Variants in MFSD2B observed in about 807,000 individuals in gnomAD.
MFSD2B encodes MFSD2 lysolipid transporter B, sphingolipid, also known as sphingosine-1-phosphate transporter MFSD2B.
Under a neutral mutation model 58.4 loss-of-function variants are expected in MFSD2B, and 56 were observed. The ratio of observed to expected loss-of-function variants is 0.96; its 90% CI spans 0.77 to 1.20. The LOEUF is 1.20. Among genes scored for constraint, MFSD2B ranks in the 50% most tolerant of loss-of-function variants. The probability of loss-of-function intolerance (pLI) is 0.00; values close to 1 mark genes in which losing one functional copy is unlikely to be tolerated. For synonymous variants in MFSD2B, 287 were observed against 294.4 expected, an observed-to-expected ratio of 0.97 and a Z score of 0.26; for missense variants, 645 against 667.6, an observed-to-expected ratio of 0.97 and a Z score of 0.37.
chr2:24,016,721 C>A (rs1201779455), intron 3 of MFSD2B, 124 bp from the exon 4 acceptor site: 5 of 1,232,824 alleles, frequency 4.1e-6, no homozygotes, highest in Non-Finnish European at 5.6e-6. Flanking sequence ...CTGGCTCCCA[C>A]CCAGGGCGCC....
chr2:24,021,489 C>T lies in MFSD2B; in HGVS notation c.682-159C>T, dbSNP rs893905723. The stretch of plus-strand genomic sequence containing the variant: ...GACCAGCCCGGGCCCGGAGAGCATG[C>T]TGTCCTGTGGGGTGATTGGGAGGTG... On this transcript the variant is annotated intron_variant, in intron 6 of 13. Transcript: ENST00000338315. The surrounding 1 kb of genome is among the most constrained non-coding windows in gnomAD (Gnocchi z 5.7). The T allele has an allele frequency of 1.4e-5, 9 of 636,708 alleles. No homozygotes were observed. In the African/African-American group the frequency reaches 1.4e-4, roughly 10 times the overall value. The allele number at this position is 636,708 out of a possible 1,614,324, so 39.4% of individuals were successfully genotyped here. A position where few individuals can be genotyped will look rare whatever the true frequency, so the allele number is the denominator to read the frequency against.
At position 24,021,588 on chromosome 2, in the gene MFSD2B, G is replaced by C. The variant is rs142123482; in HGVS notation, c.682-60G>C. The C allele has an allele frequency of 9.5e-3, 14,145 of 1,489,450 alleles. 83 individuals are homozygous for C. Among genetic ancestry groups the C allele is most frequent in the Non-Finnish European group, 0.012 (12,751 of 1,084,864 alleles). The allele number at this position is 1,489,450 out of a possible 1,614,324, so 92.3% of individuals were successfully genotyped here. A position where few individuals can be genotyped will look rare whatever the true frequency, so the allele number is the denominator to read the frequency against. On this transcript the variant is annotated intron_variant, in intron 6 of 13. Coordinates refer to ENST00000338315, the MANE Select transcript of MFSD2B (RefSeq NM_001346880.2). This position sits in a 1 kb window ranked among gnomAD's most constrained non-coding sequence, Gnocchi z 5.7. ...GGAGGCAGTACTGCCCTGCCCCTCC[G>C]GTGTCACCACCTCCAGGGGTTGAAG...
chr2:24,013,301 GC>G lies in MFSD2B; in HGVS notation c.115del (p.Leu39SerfsTer18), dbSNP rs1709019232. ...CTCCTCCAGGACAGCAGAGCCGGTC[GC>G]CTCTCATTCTGTACAAAGGTGTGCT... is the stretch of plus-strand genomic sequence containing the variant. ...KRGREDSRAG[R>X]LSFCTKVCYG... is the part of the protein sequence containing the mutation. On this transcript the variant is annotated frameshift_variant, in exon 2 of 14. Transcript: ENST00000338315. LOFTEE classifies it high-confidence loss of function. The G allele has an allele frequency of 1.2e-6, 2 of 1,603,032 alleles. No individual in the cohort carries two copies. Among genetic ancestry groups the G allele is most frequent in the Non-Finnish European group, 1.7e-6 (2 of 1,172,326 alleles).
Position 24,022,711 on chromosome 2 carries a change from AACC to A in MFSD2B, c.979-109_979-107del, listed in dbSNP as rs1662840447. On this transcript the variant is annotated intron_variant, in intron 9 of 13. Coordinates refer to ENST00000338315, the MANE Select transcript of MFSD2B (RefSeq NM_001346880.2). The surrounding 1 kb of genome is among the most constrained non-coding windows in gnomAD (Gnocchi z 4.5). ...TACAACATTCATAGCCACCGGTTTG[AACC>A]AGGGGCAAGGCCAAGGTCAGGCATC... The A allele has an allele frequency of 1.1e-6, 1 of 914,994 alleles. No individual in the cohort carries two copies. Among genetic ancestry groups the A allele is most frequent in the East Asian group, 2.7e-5 (1 of 37,674 alleles). 56.7% of individuals were successfully genotyped at this position (914,994 alleles called of 1,614,324 possible).
chr2:24,016,536 G>A (rs1573635890), intron 3 of MFSD2B, among the ~76,000 whole-genome samples: 1 of 152,346 alleles, frequency 6.6e-6, no homozygotes, highest in East Asian at 1.9e-4. Context: ...CACTGAGTGT[G>A]GGAAGGCTGG....
In MFSD2B at chr2:24,021,527, C is replaced by A; in HGVS notation, c.682-121C>A. Reference sequence around the variant, plus strand: ...TGATTGGGAGGTGGGGACCCAGCGTCCTGGGCTTGGGTTGTGCCTCCCTCC... The same window carrying A: ...TGATTGGGAGGTGGGGACCCAGCGTACTGGGCTTGGGTTGTGCCTCCCTCC... On this transcript the variant is annotated intron_variant, in intron 6 of 13. Transcript: ENST00000338315. This position sits in a 1 kb window ranked among gnomAD's most constrained non-coding sequence, Gnocchi z 5.7. 1 of 856,226 alleles carries A rather than the reference C, an allele frequency of 1.2e-6. No homozygotes were observed. The highest frequency in any genetic ancestry group is 1.9e-6 in the Non-Finnish European group (1 of 532,636). 53.0% of individuals were successfully genotyped at this position (856,226 alleles called of 1,614,324 possible). A position where few individuals can be genotyped will look rare whatever the true frequency, so the allele number is the denominator to read the frequency against.
At position 24,024,223 on chromosome 2, in the gene MFSD2B, C is replaced by G. The variant is rs767279165; in HGVS notation, c.1442C>G (p.Thr481Ser). The change falls in exon 13 of 14, where the codon ACT becomes AGT. Residue 481 changes from threonine to serine, a missense_variant. By Grantham distance (58) the Thr-to-Ser change is moderately conservative. Coordinates refer to ENST00000338315, the MANE Select transcript of MFSD2B (RefSeq NM_001346880.2). The surrounding 1 kb of genome is among the most constrained non-coding windows in gnomAD (Gnocchi z 4.3). Reference protein sequence around the residue: ...AGLCILMVGSTPKTPSRDASS... With the variant: ...AGLCILMVGSSPKTPSRDASS... The stretch of plus-strand genomic sequence containing the variant: ...CTCTGCATCCTCATGGTCGGCTCCA[C>G]TCCAAAGACACCCAGTCGGGACGCC... 1.9e-6 allele frequency: 3 copies of G among 1,613,122 alleles called. No homozygotes were observed. The East Asian group carries it at 6.7e-5, about 36-fold the overall frequency.
rs745690268 is a variant in MFSD2B at position 24,022,481 on chromosome 2, CACG to C, written c.946_948del (p.Asp316del). Reference sequence around the variant, plus strand: ...GTTCTGTACACATGCCTCCCAGCTACACGACCACGTCCAGGGCCTGGTACTAAC... The same window carrying C: ...GTTCTGTACACATGCCTCCCAGCTACACCACGTCCAGGGCCTGGTACTAAC... On this transcript the variant is annotated inframe_deletion, in exon 9 of 14. Transcript: ENST00000338315. The surrounding 1 kb of genome is among the most constrained non-coding windows in gnomAD (Gnocchi z 4.5). 2 of 1,613,380 alleles carry C rather than the reference CACG, an allele frequency of 1.2e-6. No homozygotes were observed. The highest frequency in any genetic ancestry group is 1.7e-6 in the Non-Finnish European group (2 of 1,179,768).
Position 24,017,040 on chromosome 2 carries a change from C to T in MFSD2B, c.471+72C>T. ...CTGGCCATGGCCACTCTGAAGTGTG[C>T]TGTGGGGGCAGGGCTGCCGCCCTCC... On this transcript the variant is annotated intron_variant, in intron 4 of 13. Transcript: ENST00000338315. The surrounding 1 kb of genome is among the most constrained non-coding windows in gnomAD (Gnocchi z 4.8). 1 of 1,568,048 alleles carries T rather than the reference C, an allele frequency of 6.4e-7. No homozygotes were observed. The highest frequency in any genetic ancestry group is 2.2e-5 in the East Asian group (1 of 44,696).
At position 24,022,938 on chromosome 2, in the gene MFSD2B, G is replaced by A. The variant is rs369407063; in HGVS notation, c.1059+36G>A. The A allele has an allele frequency of 2.7e-5, 42 of 1,572,392 alleles. No individual in the cohort carries two copies. Among genetic ancestry groups the A allele is most frequent in the Admixed American group, 8.9e-5 (5 of 56,206 alleles). Reference sequence around the variant, plus strand: ...CGGGAATCAAGGATTGGGGGTGGCCGGAGGGGAGAGGTGAGCGAGGTGACC... The same window carrying A: ...CGGGAATCAAGGATTGGGGGTGGCCAGAGGGGAGAGGTGAGCGAGGTGACC... On this transcript the variant is annotated intron_variant, in intron 10 of 13. Coordinates refer to ENST00000338315, the MANE Select transcript of MFSD2B (RefSeq NM_001346880.2). The surrounding 1 kb of genome is among the most constrained non-coding windows in gnomAD (Gnocchi z 4.5).
rs2150935752 is a variant in MFSD2B, at chr2:24,010,198, C to T, written c.96+6C>T. 7.2e-7 allele frequency: 1 copy of T among 1,381,262 alleles called. No individual in the cohort carries two copies. The allele number at this position is 1,381,262 out of a possible 1,614,324, so 85.6% of individuals were successfully genotyped here. ...GCGCCAAGCGAGGGCGAGAGGTGAG[C>T]GGGGCGGCGGGGACCGGGAAGGGGC... On this transcript the variant is annotated splice_donor_region_variant and intron_variant, in intron 1 of 13. Coordinates refer to ENST00000338315, the MANE Select transcript of MFSD2B (RefSeq NM_001346880.2).
Position 24,017,278 on chromosome 2 carries a change from C to A in MFSD2B, c.472-8C>A, listed in dbSNP as rs376602986. 26 of 1,591,460 alleles carry A rather than the reference C, an allele frequency of 1.6e-5. No homozygotes were observed. Among genetic ancestry groups the A allele is most frequent in the Non-Finnish European group, 8.5e-7 (1 of 1,169,958 alleles). On this transcript the variant is annotated splice_region_variant and splice_polypyrimidine_tract_variant and intron_variant, in intron 4 of 13. Transcript: ENST00000338315. The surrounding 1 kb of genome is among the most constrained non-coding windows in gnomAD (Gnocchi z 4.8). ...TGGGGGCGGTTCTAAGCTCTGCCGA[C>A]GCCCCAGTTCTTCCAGGTGCCCTAC...
intron 1 of MFSD2B, among the ~76,000 whole-genome samples, chr2:24,011,792 G>A (rs1463103363): frequency 6.6e-6 from 1 of 152,222 alleles, no homozygotes; most frequent in Non-Finnish European, 1.5e-5. Context: ...CCTGTAGGGA[G>A]AGGCAGGAAC....
At chr2:24,014,080 T>G (rs924394431) in intron 2 of MFSD2B, among the ~76,000 whole-genome samples, 2 of 151,610 alleles carry the variant, frequency 1.3e-5, no homozygotes, top group African/African-American at 4.8e-5. Flanking sequence ...TGGCATGATC[T>G]CGGCTCACTG....
Position 24,016,863 on chromosome 2 carries a change from C to A in MFSD2B, c.366C>A (p.Pro122=), listed in dbSNP as rs1709163866. The change falls in exon 4 of 14, where the codon CCC becomes CCA. Residue 122 remains proline, a synonymous_variant. Transcript: ENST00000338315. ...TCCGCAGGGTGCTGGGCTGCACCCC[C>A]TTCATCGCCCTGGCCTACTTCTTCC... The part of the protein sequence containing the change: ...RLMPWVLGCT[P]FIALAYFFLW... 1 of 1,613,692 alleles carries A rather than the reference C, an allele frequency of 6.2e-7. No individual in the cohort carries two copies. The highest frequency in any genetic ancestry group is 8.5e-7 in the Non-Finnish European group (1 of 1,179,822).
rs1306332159 is a variant in MFSD2B at position 24,021,452 on chromosome 2, G to GGT, written c.682-190_682-189dup. On this transcript the variant is annotated intron_variant, in intron 6 of 13. Transcript: ENST00000338315. The surrounding 1 kb of genome is among the most constrained non-coding windows in gnomAD (Gnocchi z 5.7). ...CAGGGAACACAGGGTCAGCAGAGGG[G>GGT]GTGTGTGGAAGGACCAGCCCGGGCC... Among the ~76,000 whole-genome samples the GGT allele has an allele frequency of 1.3e-5, 2 of 152,198 alleles. No individual in the cohort carries two copies. The highest frequency in any genetic ancestry group is 4.8e-5 in the African/African-American group (2 of 41,448).
Position 24,022,822 on chromosome 2 carries a change from G to T in MFSD2B, c.979G>T (p.Val327Phe). Residue 327 changes from valine (V) to phenylalanine (F), a missense_variant and splice_region_variant, in exon 10 of 14, where the codon GTC (valine) becomes TTC (phenylalanine). Val to Phe is a conservative substitution (Grantham distance 50). Coordinates refer to ENST00000338315, the MANE Select transcript of MFSD2B (RefSeq NM_001346880.2). This position sits in a 1 kb window ranked among gnomAD's most constrained non-coding sequence, Gnocchi z 4.5. ...GCGTGACGATGCTGTCTGCTCACAG[G>T]TCTCAGCCGTGCTGAGCACCCCGCT... The part of the protein sequence containing the change: ...HVQGLVLTVL[V>F]SAVLSTPLWE... The T allele has an allele frequency of 6.3e-7, 1 of 1,587,472 alleles. No homozygotes were observed. Among genetic ancestry groups the T allele is most frequent in the Non-Finnish European group, 8.6e-7 (1 of 1,168,726 alleles).
rs1030806082 is a variant in MFSD2B at position 24,020,857 on chromosome 2, G to A, written c.682-791G>A. ...GCTGGAATGACAGGCATGAGCCACC[G>A]TGCCTGTCCCTGCTTCCTATATTAA... is the stretch of plus-strand genomic sequence containing the variant. On this transcript the variant is annotated intron_variant, in intron 6 of 13. Coordinates refer to ENST00000338315, the MANE Select transcript of MFSD2B (RefSeq NM_001346880.2). This position sits in a 1 kb window ranked among gnomAD's most constrained non-coding sequence, Gnocchi z 4.1. Among the ~76,000 whole-genome samples, 6 of 151,886 alleles carry A rather than the reference G, an allele frequency of 4.0e-5. No homozygotes were observed. Among genetic ancestry groups the A allele is most frequent in the Admixed American group, 1.3e-4 (2 of 15,230 alleles).
rs7561675 is a variant in MFSD2B at position 24,024,948 on chromosome 2, A to G, written c.1491-484A>G. 0.74 allele frequency among the ~76,000 whole-genome samples: 112,476 copies of G among 152,012 alleles called. 42,122 individuals carry two copies. Among genetic ancestry groups the G allele is most frequent in the East Asian group, 0.88 (4,554 of 5,170 alleles). On this transcript the variant is annotated intron_variant, in intron 13 of 13. Transcript: ENST00000338315. This position sits in a 1 kb window ranked among gnomAD's most constrained non-coding sequence, Gnocchi z 4.3. ...GAGGCTATGGGAACCTTGAAGGCTG[A>G]GGCTGGCTGTTTTATTCCTTTTTGT... is the stretch of plus-strand genomic sequence containing the variant.
Sources: gnomAD v4.1 joint callset for allele counts (sites outside exome capture counted in the v4.1 genomes callset) on GRCh38, gnomAD v4.1.1 for gene constraint, Gnocchi (gnomAD v3.1) non-coding constraint, MANE v1.5 for transcripts, NCBI Gene and HGNC (gene_info 2026-07-23, HGNC 2026-07-21) for gene names.